The following TPR variants were observed in gnomAD, a reference collection of about 807,000 sequenced individuals.
The protein encoded by TPR is translocated promoter region, nuclear basket protein.
In TPR, 51 loss-of-function variants were observed where a neutral mutation model predicts 316.1. The observed-to-expected ratio is 0.16, with a 90% CI of 0.13 to 0.20. The LOEUF (loss-of-function observed/expected upper bound fraction) is 0.20, where lower values mean the gene tolerates loss of function less well. TPR is among the 10% of genes least tolerant of loss of function. The probability of loss-of-function intolerance (pLI) is 1.00; values close to 1 mark genes in which losing one functional copy is unlikely to be tolerated. For synonymous variants in TPR, 981 were observed against 914.7 expected (o/e 1.07, Z -1.31); for missense variants, 2,272 against 2,754.8 (o/e 0.82, Z 3.92).
At chr1:186,324,978 A>G (rs1270078557) in intron 42 of TPR, among the ~76,000 whole-genome samples, 1 of 152,126 alleles carries the variant, frequency 6.6e-6, no homozygotes, top group Non-Finnish European at 1.5e-5. Flanking sequence ...AAAAGTAAGA[A>G]TAGTATTACC....
intron 12 of TPR, among the ~76,000 whole-genome samples, chr1:186,359,347 G>C (rs1161481279): frequency 6.6e-6 from 1 of 151,920 alleles, no homozygotes; most frequent in African/African-American, 2.4e-5. Context: ...TGCATATAGA[G>C]ACACGCCAAA....
rs1273466735 is a variant in TPR, at chr1:186,312,115, C to G, written c.*1856G>C. The G allele has an allele frequency of 6.6e-7, 1 of 1,506,486 alleles. No individual in the cohort carries two copies. The highest frequency in any genetic ancestry group is 9.2e-7 in the Non-Finnish European group (1 of 1,087,282). 93.3% of individuals were successfully genotyped at this position (1,506,486 alleles called of 1,614,324 possible). A position where few individuals can be genotyped will look rare whatever the true frequency, so the allele number is the denominator to read the frequency against. ...ATACATTGTAAAAGTTGTTTTCCAC[C>G]TTTTCTGAGGGTATTAAAATTAATT... On this transcript the variant is annotated 3_prime_UTR_variant, in exon 51 of 51. Transcript: ENST00000367478.
rs771079566 is a variant in TPR, at chr1:186,336,595, T to C, written c.4606A>G (p.Thr1536Ala). Residue 1536 changes from threonine to alanine, a missense_variant, in exon 33 of 51, where the codon ACC (threonine) becomes GCC (alanine). By Grantham distance (58) the Thr-to-Ala change is moderately conservative. This residue lies in a region of TPR where 101 missense variants were observed against 113.0 expected (regional missense o/e 0.89). Transcript: ENST00000367478. ...SRLRQDLQDR[T>A]TQEEQLRQQI... ...TGTCGGAGCTGCTCCTCCTGTGTGGTTCTATCTTGAAGATCCTGACGAAGT... is the reference window on the plus strand; with the variant it reads ...TGTCGGAGCTGCTCCTCCTGTGTGGCTCTATCTTGAAGATCCTGACGAAGT... 38 of 1,613,924 alleles carry C rather than the reference T, an allele frequency of 2.4e-5. No individual in the cohort carries two copies. The highest frequency in any genetic ancestry group is 3.1e-5 in the Non-Finnish European group (37 of 1,179,898).
intron 25 of TPR, 56 bp downstream of exon 25, chr1:186,344,319 G>GA: frequency 6.4e-7 from 1 of 1,570,148 alleles, no homozygotes; most frequent in Non-Finnish European, 8.7e-7. Flanking sequence ...ATAAAATAAA[G>GA]AAAAAAACAA....
chr1:186,332,461 G>A, intron 37 of TPR, 118 bp from the exon 38 acceptor site: 1 of 1,071,330 alleles, frequency 9.3e-7, no homozygotes, highest in Non-Finnish European at 1.3e-6. Flanking sequence ...TAATTGTACA[G>A]ATTACTAAAA....
intron 12 of TPR, among the ~76,000 whole-genome samples, chr1:186,359,046 T>C (rs1047176350): frequency 3.3e-5 from 5 of 152,132 alleles, no homozygotes; most frequent in African/African-American, 9.7e-5. Context: ...TTCTAAATTA[T>C]AACAGCAACA....
At chr1:186,331,781 A>G (rs1228490078) in intron 38 of TPR, among the ~76,000 whole-genome samples, 200 bp from the exon 39 acceptor site, 1 of 152,158 alleles carries the variant, frequency 6.6e-6, no homozygotes, top group African/African-American at 2.4e-5. Flanking sequence ...ACATTAATAC[A>G]TGCTAATACA....
chr1:186,369,406 T>C (rs1237094974), intron 3 of TPR, among the ~76,000 whole-genome samples: 1 of 152,170 alleles, frequency 6.6e-6, no homozygotes, highest in Non-Finnish European at 1.5e-5. Flanking sequence ...TTCCCATTAT[T>C]TGCATCTTCA....
chr1:186,331,651 T>C (rs1420330118), intron 38 of TPR, 70 bp from the exon 39 acceptor site: 2 of 1,027,302 alleles, frequency 1.9e-6, no homozygotes, highest in South Asian at 2.2e-5. Flanking sequence ...TTTTTGTTAG[T>C]TCTCTCATTT....
intron 39 of TPR, among the ~76,000 whole-genome samples, chr1:186,328,777 T>C (rs536203370): frequency 1.1e-4 from 16 of 152,204 alleles, no homozygotes; most frequent in Non-Finnish European, 2.1e-4. Context: ...TATCAGATAC[T>C]AAATAATTCC....
chr1:186,357,555 G>C lies in TPR; in HGVS notation c.1566C>G (p.Ser522Arg). 1 of 1,613,828 alleles carries C rather than the reference G, an allele frequency of 6.2e-7. No homozygotes were observed. The highest frequency in any genetic ancestry group is 2.2e-5 in the East Asian group (1 of 44,874). ...CAGATGAACTACTTATATCAGCAGA[G>C]CTTACTTCCTCATCACGAATTACGT... Reference protein sequence around the residue: ...GNHVIRDEEVSSADISSSSEV... With the variant: ...GNHVIRDEEVRSADISSSSEV... Residue 522 changes from serine to arginine, a missense_variant, in exon 14 of 51, where the codon AGC becomes AGG. This residue lies in a region of TPR where 549 missense variants were observed against 598.6 expected (regional missense o/e 0.92). Coordinates refer to ENST00000367478, the MANE Select transcript of TPR (RefSeq NM_003292.3).
rs939362298 is a variant in TPR at position 186,337,154 on chromosome 1, A to T, written c.4365T>A (p.Val1455=). The T allele has an allele frequency of 3.7e-6, 6 of 1,612,634 alleles. No individual in the cohort carries two copies. The highest frequency in any genetic ancestry group is 5.1e-6 in the Non-Finnish European group (6 of 1,179,296). ...YEELKAQQDK[V]METSAQSSGD... ...CAGAGGACTGAGCCGATGTCTCCAT[A>T]ACCTAAGACAACAAACAGTAATAAT... Residue 1455 remains valine (V), a splice_region_variant and synonymous_variant, in exon 32 of 51, where the codon GTT becomes GTA. Coordinates refer to ENST00000367478, the MANE Select transcript of TPR (RefSeq NM_003292.3).
rs979808024 is a variant in TPR, at chr1:186,311,783, G to T, written c.*2188C>A. The T allele has an allele frequency of 1.7e-5, 11 of 659,402 alleles. No homozygotes were observed. The highest frequency in any genetic ancestry group is 8.3e-4 in the Middle Eastern group (2 of 2,408). 40.8% of individuals were successfully genotyped at this position (659,402 alleles called of 1,614,324 possible). ...AATTTTTATTTTCATTTCTTCACAG[G>T]CAAGTCACAATTCATTTGAGTTTTC... On this transcript the variant is annotated 3_prime_UTR_variant, in exon 51 of 51. Transcript: ENST00000367478.
At chr1:186,320,055 G>A (rs1408664472) in intron 46 of TPR, among the ~76,000 whole-genome samples, 2 of 152,064 alleles carry the variant, frequency 1.3e-5, no homozygotes, top group Non-Finnish European at 2.9e-5. Context: ...CTACGTGTAT[G>A]ACATTACACC....
chr1:186,347,391 C>T lies in TPR; in HGVS notation c.2844G>A (p.Val948=). Residue 948 remains valine (V), a synonymous_variant, in exon 22 of 51, where the codon GTG becomes GTA. Transcript: ENST00000367478. ...TTTTGAGTCTCTCCTTTAAGTCATT[C>T]ACCTGCTCTTCTGTCTGTCTTAGCT... ...VSQLRQTEEQ[V]NDLKERLKTS... 1 of 1,614,044 alleles carries T rather than the reference C, an allele frequency of 6.2e-7. No individual in the cohort carries two copies. The highest frequency in any genetic ancestry group is 1.1e-5 in the South Asian group (1 of 91,074).
intron 30 of TPR, among the ~76,000 whole-genome samples, chr1:186,338,765 G>C (rs1658413786): frequency 6.6e-6 from 1 of 152,158 alleles, no homozygotes; most frequent in Non-Finnish European, 1.5e-5. Context: ...GCCAACCCCT[G>C]TCCTATATCC....
intron 27 of TPR, 76 bp from the exon 28 acceptor site, chr1:186,341,465 C>A: frequency 6.9e-7 from 1 of 1,441,734 alleles, no homozygotes. Flanking sequence ...GAGCTCAAAT[C>A]CTCCCTATGA....
chr1:186,334,138 T>C (rs184647950), intron 36 of TPR, among the ~76,000 whole-genome samples, 187 bp downstream of exon 36: 18 of 152,318 alleles, frequency 1.2e-4, no homozygotes, highest in Admixed American at 1.0e-3. Flanking sequence ...GTGGATTTCA[T>C]ATATTCTTTG....
intron 48 of TPR, 111 bp downstream of exon 48, chr1:186,318,336 A>C (rs1657670100): frequency 3.5e-6 from 5 of 1,423,710 alleles, no homozygotes; most frequent in Non-Finnish European, 4.7e-6. Flanking sequence ...TCAAAAAAAA[A>C]AACAAAAAAA....
Sources: allele counts gnomAD v4.1 joint callset (sites outside exome capture counted in the v4.1 genomes callset), GRCh38; gene constraint gnomAD v4.1.1; regional missense constraint gnomAD v4.1.1; transcripts MANE v1.5; gene names NCBI Gene and HGNC (gene_info 2026-07-23, HGNC 2026-07-21).